UBP1: variants seen among roughly 807,000 people sequenced by gnomAD.
The protein encoded by UBP1 is upstream binding protein 1, also known as upstream-binding protein 1.
UBP1 carries 22 observed loss-of-function variants against 76.1 expected under a neutral mutation model. That is an observed-to-expected ratio of 0.29 (90% CI 0.21 to 0.41). The LOEUF is 0.41. UBP1 is among the 10% of genes least tolerant of loss of function. The pLI, the probability that UBP1 is intolerant of heterozygous loss-of-function variation, is 1.00. For synonymous variants in UBP1, 224 were observed against 237.1 expected, an observed-to-expected ratio of 0.94 and a Z score of 0.51; for missense variants, 436 against 668.1, an observed-to-expected ratio of 0.65 and a Z score of 3.83.
At chr3:33,419,625 T>A (rs1307460891) in intron 2 of UBP1, among the ~76,000 whole-genome samples, 2 of 122,908 alleles carry the variant, frequency 1.6e-5, no homozygotes, top group African/African-American at 3.7e-5. Flanking sequence ...GGAGACTCCA[T>A]CTCAAAAAAA....
intron 2 of UBP1, among the ~76,000 whole-genome samples, chr3:33,421,480 G>A (rs1232997538): frequency 6.6e-6 from 1 of 152,056 alleles, no homozygotes; most frequent in Non-Finnish European, 1.5e-5. Context: ...ACATTGGCCA[G>A]GCTGGTCTCG....
intron 12 of UBP1, 137 bp downstream of exon 12, chr3:33,396,908 T>C (rs1424807335): frequency 1.2e-6 from 1 of 808,672 alleles, no homozygotes; most frequent in East Asian, 2.7e-5. Flanking sequence ...AGTCTTCTTG[T>C]GAGCACAATG....
At chr3:33,433,651 T>A (rs1307013843) in intron 1 of UBP1, among the ~76,000 whole-genome samples, 1 of 150,600 alleles carries the variant, frequency 6.6e-6, no homozygotes, top group Non-Finnish European at 1.5e-5. Flanking sequence ...AGACTCCACA[T>A]CTCAAAAAAA....
intron 10 of UBP1, 32 bp from the exon 11 acceptor site, chr3:33,400,314 G>A (rs1489093702): frequency 2.0e-6 from 3 of 1,528,616 alleles, no homozygotes; most frequent in Non-Finnish European, 2.7e-6. Flanking sequence ...ATAAATAAAA[G>A]GAACCATTCA....
At chr3:33,412,186 CAAAAA>C (rs1227146812) in intron 4 of UBP1, among the ~76,000 whole-genome samples, 1 of 63,454 alleles carries the variant, frequency 1.6e-5, no homozygotes. Flanking sequence ...AACTCCGTCT[CAAAAA>C]AAAAAAAAAA....
Position 33,416,938 on chromosome 3 carries a change from T to C in UBP1, c.266-104A>G, listed in dbSNP as rs996081729. Reference sequence around the variant, plus strand: ...TCTCAGAACATACATTACACAATGATAGTTTGTTAATTTGCTACGGAAGCA... The same window carrying C: ...TCTCAGAACATACATTACACAATGACAGTTTGTTAATTTGCTACGGAAGCA... On this transcript the variant is annotated intron_variant, in intron 2 of 15. Transcript: ENST00000283629. 1.1e-5 allele frequency: 11 copies of C among 983,666 alleles called. No individual in the cohort carries two copies. In the African/African-American group the frequency reaches 1.3e-4, roughly 12 times the overall value. 60.9% of individuals were successfully genotyped at this position (983,666 alleles called of 1,614,324 possible).
rs1028030119 is a variant in UBP1 at position 33,403,179 on chromosome 3, T to C, written c.928-275A>G. ...AAGGCATTTAAAATATATGCTTAAG[T>C]ATAATTGCTTTGAAGAGCTTTCTCC... On this transcript the variant is annotated intron_variant, in intron 8 of 15. Coordinates refer to ENST00000283629, the MANE Select transcript of UBP1 (RefSeq NM_014517.5). 2.7e-5 allele frequency: 9 copies of C among 334,820 alleles called. No individual in the cohort carries two copies. The East Asian group carries it at 6.6e-4, about 25-fold the overall frequency. The allele number at this position is 334,820 out of a possible 1,614,324, so 20.7% of individuals were successfully genotyped here. A position where few individuals can be genotyped will look rare whatever the true frequency, so the allele number is the denominator to read the frequency against.
intron 8 of UBP1, among the ~76,000 whole-genome samples, chr3:33,404,193 A>G (rs2044350631): frequency 6.6e-6 from 1 of 152,138 alleles, no homozygotes; most frequent in African/African-American, 2.4e-5. Context: ...TGGGTGGATC[A>G]TGAGGTCAGG....
rs200673229 is a variant in UBP1, at chr3:33,416,688, A to AT, written c.342+69dup. 9.1e-4 allele frequency: 1,106 copies of AT among 1,218,356 alleles called. 4 individuals are homozygous for AT. Among genetic ancestry groups the AT allele is most frequent in the African/African-American group, 8.0e-3 (515 of 64,228 alleles). 75.5% of individuals were successfully genotyped at this position (1,218,356 alleles called of 1,614,324 possible). A position where few individuals can be genotyped will look rare whatever the true frequency, so the allele number is the denominator to read the frequency against. On this transcript the variant is annotated intron_variant, in intron 3 of 15. Coordinates refer to ENST00000283629, the MANE Select transcript of UBP1 (RefSeq NM_014517.5). ...TACAACAATTATTGAAGTGAAATTA[A>AT]TTTTTTTTTAAACAAAAACTCATTC...
chr3:33,395,631 C>CA (rs1295199407), intron 13 of UBP1, among the ~76,000 whole-genome samples: 3 of 150,756 alleles, frequency 2.0e-5, no homozygotes, highest in Non-Finnish European at 4.4e-5. Flanking sequence ...ACACAAGGTG[C>CA]ACAATGCTGG....
At chr3:33,427,060 T>G (rs1032456444) in intron 1 of UBP1, among the ~76,000 whole-genome samples, 2 of 152,234 alleles carry the variant, frequency 1.3e-5, no homozygotes, top group African/African-American at 4.8e-5. Flanking sequence ...CTCTGACTCC[T>G]GGGCTCAAGT....
At chr3:33,408,658 G>A (rs1010365454) in intron 8 of UBP1, 32 bp downstream of exon 8, 2 of 1,582,654 alleles carry the variant, frequency 1.3e-6, no homozygotes, top group Non-Finnish European at 1.7e-6. Flanking sequence ...AAGGTTTCTT[G>A]CACAATGAAA....
At chr3:33,430,049 G>A (rs902827644) in intron 1 of UBP1, among the ~76,000 whole-genome samples, 5 of 152,218 alleles carry the variant, frequency 3.3e-5, no homozygotes, top group Non-Finnish European at 5.9e-5. Flanking sequence ...GGCAGGCTAA[G>A]TAATTTAAAT....
At chr3:33,392,447 CT>C in intron 15 of UBP1, 115 bp downstream of exon 15, 1 of 875,004 alleles carries the variant, frequency 1.1e-6, no homozygotes, top group Non-Finnish European at 1.7e-6. Flanking sequence ...ATCAAACTTT[CT>C]TCTTAAAATG....
In UBP1 at chr3:33,427,887, T is replaced by C. The variant is rs2045045859; in HGVS notation, c.114-2146A>G. ...TAAGCTCCTGCCTTGGGGGCAGATA[T>C]AAAAACTTTTCAGAAGACTTCAGGC... is the stretch of plus-strand genomic sequence containing the variant. On this transcript the variant is annotated intron_variant, in intron 1 of 15. Transcript: ENST00000283629. Among the ~76,000 whole-genome samples the C allele has an allele frequency of 2.0e-5, 3 of 152,256 alleles. No homozygotes were observed. In the South Asian group the frequency reaches 6.2e-4, roughly 32 times the overall value.
At position 33,396,192 on chromosome 3, in the gene UBP1, C is replaced by T. The variant is rs750893474; in HGVS notation, c.1360G>A (p.Ala454Thr). The stretch of plus-strand genomic sequence containing the variant: ...GGTGCCCCACTGCCATTCTCGCTTG[C>T]ACTGCTTGCAGCTTGCTGCTGCCCT... Reference protein sequence around the residue: ...LQGQQQAASSASENGSGAPYV... With the variant: ...LQGQQQAASSTSENGSGAPYV... The change falls in exon 13 of 16, where the codon GCA becomes ACA. Residue 454 changes from alanine to threonine, a missense_variant. Ala to Thr is a moderately conservative substitution (Grantham distance 58). Around this residue, in one of 3 missense-constraint regions of UBP1, gnomAD observed 210 missense variants for 272.8 expected, o/e 0.77. Coordinates refer to ENST00000283629, the MANE Select transcript of UBP1 (RefSeq NM_014517.5). The T allele has an allele frequency of 1.0e-5, 16 of 1,593,870 alleles. No individual in the cohort carries two copies. In the South Asian group the frequency reaches 1.2e-4, roughly 12 times the overall value.
intron 3 of UBP1, among the ~76,000 whole-genome samples, chr3:33,413,577 G>GA (rs1195304483): frequency 6.9e-6 from 1 of 145,430 alleles, no homozygotes; most frequent in Non-Finnish European, 1.5e-5. Context: ...TTTGAGTTTT[G>GA]AAAAAAAAGA....
intron 2 of UBP1, among the ~76,000 whole-genome samples, chr3:33,419,878 T>C (rs762830312): frequency 2.0e-5 from 3 of 152,230 alleles, no homozygotes; most frequent in Non-Finnish European, 4.4e-5. Flanking sequence ...AAAGTTAATA[T>C]AGTCCAACAG....
At chr3:33,423,826 G>A (rs1036285207) in intron 2 of UBP1, among the ~76,000 whole-genome samples, 1 of 152,236 alleles carries the variant, frequency 6.6e-6, no homozygotes, top group Non-Finnish European at 1.5e-5. Context: ...TACAATGCTA[G>A]ATGCACAGTA....
Sources: allele counts gnomAD v4.1 joint callset (sites outside exome capture counted in the v4.1 genomes callset), GRCh38; gene constraint gnomAD v4.1.1; regional missense constraint gnomAD v4.1.1; transcripts MANE v1.5; gene names NCBI Gene and HGNC (gene_info 2026-07-23, HGNC 2026-07-21).